UNC13A: variants seen among roughly 807,000 people sequenced by gnomAD.
UNC13A encodes the protein protein unc-13 homolog A.
In UNC13A, 61 loss-of-function variants were observed where a neutral mutation model predicts 219.7. The observed-to-expected ratio is 0.28, with a 90% confidence interval of 0.23 to 0.34. The LOEUF (loss-of-function observed/expected upper bound fraction) is 0.34, where lower values mean the gene tolerates loss of function less well. UNC13A is among the 10% of genes least tolerant of loss of function. The probability of loss-of-function intolerance (pLI) is 1.00; values close to 1 mark genes in which losing one functional copy is unlikely to be tolerated. For missense variants in UNC13A, 1,476 were observed against 2,270.3 expected, an observed-to-expected ratio of 0.65 and a Z score of 7.11; for synonymous variants, 920 against 884.6, an observed-to-expected ratio of 1.04 and a Z score of -0.71.
In UNC13A at chr19:17,675,630, C is replaced by CAA. The variant is rs35996994; in HGVS notation, c.52+380_52+381dup. Among the ~76,000 whole-genome samples, 447 of 127,598 alleles carry CAA rather than the reference C, an allele frequency of 3.5e-3. 2 individuals carry two copies. The highest frequency in any genetic ancestry group is 0.012 in the African/African-American group (410 of 35,106). 83.7% of individuals were successfully genotyped at this position (127,598 alleles called of 152,430 possible). ...TGGGCAACAGAAGGAGACTCTGTCT[C>CAA]AAAAAAAAAAAAAAAAGAAGAAGAA... On this transcript the variant is annotated intron_variant, in intron 2 of 43. Coordinates refer to ENST00000519716, the MANE Select transcript of UNC13A (RefSeq NM_001080421.3).
intron 36 of UNC13A, 87 bp from the exon 37 acceptor site, chr19:17,621,957 G>T (rs2144967682): frequency 7.3e-7 from 1 of 1,364,490 alleles, no homozygotes; most frequent in Non-Finnish European, 1.0e-6. Context: ...TCATGGGGAT[G>T]GGGGAATCCA....
chr19:17,667,050 G>A (rs1361206997), intron 6 of UNC13A, among the ~76,000 whole-genome samples: 1 of 152,036 alleles, frequency 6.6e-6, no homozygotes, highest in African/African-American at 2.4e-5. Context: ...TCAAGAGATC[G>A]AGACCATCCT....
intron 1 of UNC13A, among the ~76,000 whole-genome samples, chr19:17,687,493 C>A (rs376049509): frequency 2.6e-5 from 4 of 152,200 alleles, no homozygotes; most frequent in African/African-American, 9.6e-5. Flanking sequence ...TTCCTCCAAC[C>A]CCCTCACTCG....
chr19:17,677,621 C>A (rs1444118619), intron 1 of UNC13A, among the ~76,000 whole-genome samples: 1 of 152,164 alleles, frequency 6.6e-6, no homozygotes, highest in East Asian at 1.9e-4. Flanking sequence ...TCCGCCTTGG[C>A]CTCCCAAGGT....
rs1276536814 is a variant in UNC13A at position 17,656,024 on chromosome 19, G to A, written c.1142C>T (p.Ala381Val). ...DFKRISLPPA[A>V]PGKEDKAPVA... ...TGGGGCCTTGTCCTCCTTCCCTGGG[G>A]CAGCTGGCGGGAGGCTGATGCGTTT... The change falls in exon 10 of 44, where the codon GCC becomes GTC. Residue 381 changes from alanine to valine, a missense_variant. Coordinates refer to ENST00000519716, the MANE Select transcript of UNC13A (RefSeq NM_001080421.3). 1 of 1,572,022 alleles carries A rather than the reference G, an allele frequency of 6.4e-7. No homozygotes were observed. Among genetic ancestry groups the A allele is most frequent in the Non-Finnish European group, 8.6e-7 (1 of 1,158,242 alleles).
intron 17 of UNC13A, 100 bp downstream of exon 17, chr19:17,647,165 G>A (rs1468249754): frequency 1.2e-5 from 13 of 1,128,272 alleles, no homozygotes; most frequent in African/African-American, 1.1e-4. Flanking sequence ...CCGAGTGAGT[G>A]CGCGCTGCAA....
At chr19:17,617,325 G>A (rs77568996) in intron 41 of UNC13A, among the ~76,000 whole-genome samples, 2,296 of 152,210 alleles carry the variant, frequency 0.015, 26 homozygotes, top group Middle Eastern at 0.058. Context: ...CATTGGCCCT[G>A]GGACACCATT....
rs908005368 is a variant in UNC13A, at chr19:17,655,847, G to C, written c.1283+36C>G. On this transcript the variant is annotated intron_variant, in intron 10 of 43. Transcript: ENST00000519716. ...AGCCCTGCTGACCCTGTGACCTTGT[G>C]GCAGCCCCTCTGGCCCCTTGGCCCC... 2.7e-6 allele frequency: 4 copies of C among 1,482,386 alleles called. 1 individual carries two copies. The highest frequency in any genetic ancestry group is 1.8e-6 in the Non-Finnish European group (2 of 1,121,768). 91.8% of individuals were successfully genotyped at this position (1,482,386 alleles called of 1,614,324 possible). A position where few individuals can be genotyped will look rare whatever the true frequency, so the allele number is the denominator to read the frequency against.
chr19:17,675,949 C>T, intron 2 of UNC13A, 63 bp downstream of exon 2: 1 of 1,542,422 alleles, frequency 6.5e-7, no homozygotes, highest in South Asian at 1.2e-5. Context: ...CCCTCCCAGT[C>T]TCTCCAAGAG....
At position 17,656,133 on chromosome 19, in the gene UNC13A, C is replaced by CCAGCTCCTCCTCATCTTCAGG; in HGVS notation, c.1012_1032dup (p.Pro338_Leu344dup). The CCAGCTCCTCCTCATCTTCAGG allele has an allele frequency of 6.4e-7, 1 of 1,552,156 alleles. No individual in the cohort carries two copies. The highest frequency in any genetic ancestry group is 8.7e-7 in the Non-Finnish European group (1 of 1,147,022). On this transcript the variant is annotated inframe_insertion, in exon 10 of 44. Coordinates refer to ENST00000519716, the MANE Select transcript of UNC13A (RefSeq NM_001080421.3). ...TCAGGCACCTCCTCCTCCTCCTCCT[C>CCAGCTCCTCCTCATCTTCAGG]CAGCTCCTCCTCATCTTCAGGCAGC... is the stretch of plus-strand genomic sequence containing the variant.
chr19:17,674,925 C>T lies in UNC13A; in HGVS notation c.53-169G>A, dbSNP rs990323017. Reference sequence around the variant, plus strand: ...AGGGAGGGGCCTCAGTGTGGGGAGACGTGGAATTTTGGGATACTTCATCCA... The same window carrying T: ...AGGGAGGGGCCTCAGTGTGGGGAGATGTGGAATTTTGGGATACTTCATCCA... On this transcript the variant is annotated intron_variant, in intron 2 of 43. Transcript: ENST00000519716. This position sits in a 1 kb window ranked among gnomAD's most constrained non-coding sequence, Gnocchi z 5.0. 3.9e-5 allele frequency among the ~76,000 whole-genome samples: 6 copies of T among 152,126 alleles called. No individual in the cohort carries two copies. The highest frequency in any genetic ancestry group is 9.7e-5 in the African/African-American group (4 of 41,424).
chr19:17,663,901 T>C (rs8110983), intron 7 of UNC13A, among the ~76,000 whole-genome samples: 38,945 of 151,822 alleles, frequency 0.26, 5,968 homozygotes, highest in African/African-American at 0.43. Context: ...GCTCAAGTGA[T>C]CCTCCCACCT....
At chr19:17,639,965 G>A in intron 22 of UNC13A, 57 bp from the exon 23 acceptor site, 2 of 1,558,036 alleles carry the variant, frequency 1.3e-6, no homozygotes, top group Non-Finnish European at 1.8e-6. Flanking sequence ...CCGCCATAGT[G>A]GCTGAGCGCC....
At chr19:17,687,804 G>A (rs2080143090) in intron 1 of UNC13A, among the ~76,000 whole-genome samples, 1 of 152,072 alleles carries the variant, frequency 6.6e-6, no homozygotes. Flanking sequence ...CACCCCTGCA[G>A]GCTTCAATCA....
At chr19:17,643,989 G>T (rs2145052139) in intron 19 of UNC13A, among the ~76,000 whole-genome samples, 1 of 152,174 alleles carries the variant, frequency 6.6e-6, no homozygotes, top group African/African-American at 2.4e-5. Context: ...AATCTAAGAG[G>T]TTTCCGGGCT....
intron 4 of UNC13A, 61 bp downstream of exon 4, chr19:17,672,317 T>G: frequency 1.5e-6 from 2 of 1,350,210 alleles, no homozygotes; most frequent in Non-Finnish European, 2.1e-6. Context: ...TTTAGTCCAC[T>G]GGTCTCTGGG....
chr19:17,617,066 C>T (rs994759389), intron 41 of UNC13A, among the ~76,000 whole-genome samples: 2 of 152,146 alleles, frequency 1.3e-5, no homozygotes, highest in Non-Finnish European at 2.9e-5. Context: ...AGGTCCCTCC[C>T]GCCCTCGGAG....
chr19:17,636,168 C>G lies in UNC13A; in HGVS notation c.3082-11G>C, dbSNP rs1351589887. On this transcript the variant is annotated splice_polypyrimidine_tract_variant and intron_variant, in intron 25 of 43. Transcript: ENST00000519716. The stretch of plus-strand genomic sequence containing the variant: ...TTCCCCCTTCTTGGCCTGAAATGGA[C>G]AGTGGAGACCTCGGTTATAGGGGGT... 6.3e-7 allele frequency: 1 copy of G among 1,587,404 alleles called. No homozygotes were observed. The highest frequency in any genetic ancestry group is 1.3e-5 in the African/African-American group (1 of 74,534).
chr19:17,642,922 G>T lies in UNC13A; in HGVS notation c.2395C>A (p.Arg799=), dbSNP rs2145048586. 1.2e-6 allele frequency: 2 copies of T among 1,609,920 alleles called. No homozygotes were observed. Among genetic ancestry groups the T allele is most frequent in the East Asian group, 4.5e-5 (2 of 44,804 alleles). The change falls in exon 20 of 44, where the codon CGG becomes AGG. Residue 799 remains arginine, a synonymous_variant. Coordinates refer to ENST00000519716, the MANE Select transcript of UNC13A (RefSeq NM_001080421.3). ...TTGATCTCCACACTGATGTGGAGCC[G>T]GATGGCACCCGACACGGCAGATTTG... The part of the protein sequence containing the change: ...TDKSAVSGAI[R]LHISVEIKGE...
Sources: gnomAD v4.1 joint callset for allele counts (sites outside exome capture counted in the v4.1 genomes callset) on GRCh38, gnomAD v4.1.1 for gene constraint, Gnocchi (gnomAD v3.1) non-coding constraint, MANE v1.5 for transcripts, NCBI Gene and HGNC (gene_info 2026-07-23, HGNC 2026-07-21) for gene names.